The following GADL1 variants were observed in gnomAD, a reference collection of about 807,000 sequenced individuals.
GADL1 encodes the protein GAD like acidic amino acid decarboxylase 1, also known as acidic amino acid decarboxylase GADL1.
In GADL1, 71 loss-of-function variants were observed where a neutral mutation model predicts 69.5. The observed-to-expected ratio is 1.02, with a 90% CI of 0.84 to 1.25. The LOEUF (loss-of-function observed/expected upper bound fraction) is 1.25. GADL1 is among the 50% of genes most tolerant of loss of function. The pLI is 0.00. For missense variants in GADL1, 737 were observed against 631.8 expected, an observed-to-expected ratio of 1.17 and a Z score of -1.79; for synonymous variants, 254 against 214.4, an observed-to-expected ratio of 1.18 and a Z score of -1.62.
At position 30,784,055 on chromosome 3, in the gene GADL1, AAT is replaced by A. The variant is rs552548778; in HGVS notation, c.1302+2298_1302+2299del. Among the ~76,000 whole-genome samples the A allele has an allele frequency of 6.0e-4, 92 of 152,312 alleles. 1 individual carries two copies. Among genetic ancestry groups the A allele is most frequent in the Middle Eastern group, 3.4e-3 (1 of 294 alleles). On this transcript the variant is annotated intron_variant, in intron 13 of 14. Coordinates refer to ENST00000282538, the MANE Select transcript of GADL1 (RefSeq NM_207359.3). ...AATAGAGGAAACTCAAACCCGAGAAAATATAAAGTGATCAAACTCAATTCAAA... is the reference window on the plus strand; with the variant it reads ...AATAGAGGAAACTCAAACCCGAGAAAATAAAGTGATCAAACTCAATTCAAA...
intron 12 of GADL1, among the ~76,000 whole-genome samples, chr3:30,796,506 T>C (rs748851830): frequency 3.3e-5 from 5 of 152,198 alleles, no homozygotes; most frequent in Admixed American, 2.0e-4. Context: ...CCATGACTGA[T>C]TCAGAGATGG....
At chr3:30,754,320 C>G (rs1303050100) in intron 14 of GADL1, among the ~76,000 whole-genome samples, 1 of 152,092 alleles carries the variant, frequency 6.6e-6, no homozygotes. Flanking sequence ...ATAATTCTGT[C>G]AAACTGATGA....
intron 11 of GADL1, among the ~76,000 whole-genome samples, chr3:30,819,514 C>T (rs1009227053): frequency 1.3e-5 from 2 of 152,020 alleles, no homozygotes; most frequent in African/African-American, 4.8e-5. Context: ...TCAGAGTAAA[C>T]TAACATGGTT....
intron 11 of GADL1, among the ~76,000 whole-genome samples, chr3:30,806,077 C>T (rs979715630): frequency 5.3e-5 from 8 of 151,906 alleles, no homozygotes; most frequent in East Asian, 1.9e-4. Context: ...TGGGAGGATC[C>T]TTGCTGTCCA....
intron 12 of GADL1, among the ~76,000 whole-genome samples, chr3:30,791,858 G>C (rs148374286): frequency 1.3e-5 from 2 of 152,174 alleles, no homozygotes; most frequent in African/African-American, 4.8e-5. Context: ...AGTCTCTCAG[G>C]ATCTGATGGT....
chr3:30,846,506 A>G (rs1698060336), intron 6 of GADL1, among the ~76,000 whole-genome samples: 1 of 151,718 alleles, frequency 6.6e-6, no homozygotes, highest in Non-Finnish European at 1.5e-5. Flanking sequence ...CCTGGACTCC[A>G]GTGCTGACTA....
intron 14 of GADL1, among the ~76,000 whole-genome samples, chr3:30,735,837 T>C (rs1695534595): frequency 6.6e-6 from 1 of 152,150 alleles, no homozygotes; most frequent in African/African-American, 2.4e-5. Context: ...AGTGGAATAA[T>C]GGGAACTGCA....
chr3:30,796,294 TG>T (rs1697031062), intron 12 of GADL1, among the ~76,000 whole-genome samples: 1 of 152,208 alleles, frequency 6.6e-6, no homozygotes, highest in African/African-American at 2.4e-5. Context: ...AAATAATTTA[TG>T]GTAGACCGTA....
intron 14 of GADL1, among the ~76,000 whole-genome samples, chr3:30,730,821 A>G (rs190367725): frequency 2.6e-5 from 4 of 152,290 alleles, no homozygotes; most frequent in African/African-American, 9.6e-5. Context: ...CTTCTCGTGC[A>G]TATGTGGATA....
chr3:30,740,966 A>G (rs1045992167), intron 14 of GADL1, among the ~76,000 whole-genome samples: 1 of 136,574 alleles, frequency 7.3e-6, no homozygotes, highest in African/African-American at 2.8e-5. Context: ...TTTATTATAT[A>G]TTATATATTA....
intron 14 of GADL1, among the ~76,000 whole-genome samples, chr3:30,755,977 T>C (rs983715708): frequency 6.6e-6 from 1 of 152,090 alleles, no homozygotes; most frequent in Non-Finnish European, 1.5e-5. Flanking sequence ...GATTAAGACC[T>C]CAGCTGCTTG....
intron 14 of GADL1, among the ~76,000 whole-genome samples, chr3:30,735,063 T>C (rs1695522875): frequency 6.6e-6 from 1 of 152,202 alleles, no homozygotes; most frequent in East Asian, 1.9e-4. Context: ...ATGATCTGAT[T>C]TCTCTGTTGT....
At chr3:30,758,881 G>A (rs1575188460) in intron 14 of GADL1, among the ~76,000 whole-genome samples, 1 of 152,136 alleles carries the variant, frequency 6.6e-6, no homozygotes, top group Non-Finnish European at 1.5e-5. Context: ...AGCTTCCAGT[G>A]GAATATATAG....
chr3:30,780,189 CCTT>C lies in GADL1; in HGVS notation c.1303-1924_1303-1922del, dbSNP rs140834611. 3.8e-3 allele frequency among the ~76,000 whole-genome samples: 583 copies of C among 152,302 alleles called. 4 individuals carry two copies. Among genetic ancestry groups the C allele is most frequent in the African/African-American group, 0.013 (530 of 41,572 alleles). ...TGCCTTGGATGACTTCTCTGGCACT[CCTT>C]CTAGGTAGCTTGCAGTGATTTCCAA... On this transcript the variant is annotated intron_variant, in intron 13 of 14. Coordinates refer to ENST00000282538, the MANE Select transcript of GADL1 (RefSeq NM_207359.3).
At chr3:30,844,082 C>A (rs990336776) in intron 8 of GADL1, 128 bp downstream of exon 8, 9 of 698,824 alleles carry the variant, frequency 1.3e-5, no homozygotes, top group Non-Finnish European at 2.3e-5. Flanking sequence ...TCTCTCTCCT[C>A]TCTCCCACAC....
chr3:30,767,270 TAACTTA>T (rs929781673), intron 14 of GADL1, among the ~76,000 whole-genome samples: 3 of 152,144 alleles, frequency 2.0e-5, no homozygotes, highest in Admixed American at 2.0e-4. Context: ...ATGCCCTTTT[TAACTTA>T]AAGAGTTCTA....
intron 14 of GADL1, among the ~76,000 whole-genome samples, chr3:30,762,730 C>A (rs1183784506): frequency 6.6e-6 from 1 of 152,092 alleles, no homozygotes; most frequent in South Asian, 2.1e-4. Context: ...ATCCATTAAC[C>A]ATGCCCACCT....
chr3:30,746,742 T>C (rs1302140596), intron 14 of GADL1, among the ~76,000 whole-genome samples: 2 of 152,194 alleles, frequency 1.3e-5, no homozygotes, highest in African/African-American at 2.4e-5. Flanking sequence ...AAGTTGGAGA[T>C]GCAAGAAAAC....
In GADL1 at chr3:30,786,277, CAT is replaced by C. The variant is rs558848059; in HGVS notation, c.1302+76_1302+77del. 2,437 of 867,608 alleles carry C rather than the reference CAT, an allele frequency of 2.8e-3. 31 individuals carry two copies. The highest frequency in any genetic ancestry group is 0.021 in the South Asian group (1,528 of 73,020). 53.7% of individuals were successfully genotyped at this position (867,608 alleles called of 1,614,324 possible). A position where few individuals can be genotyped will look rare whatever the true frequency, so the allele number is the denominator to read the frequency against. On this transcript the variant is annotated intron_variant, in intron 13 of 14. Transcript: ENST00000282538. ...CTCTGCAACACAAAAACCAATGAAA[CAT>C]ATAACAGATAAGAAAATTACCACCT...
Sources: gnomAD v4.1 joint callset for allele counts (sites outside exome capture counted in the v4.1 genomes callset) on GRCh38, gnomAD v4.1.1 for gene constraint, MANE v1.5 for transcripts, NCBI Gene and HGNC (gene_info 2026-07-23, HGNC 2026-07-21) for gene names.